The following PPP2R2B variants were observed in gnomAD, a reference collection of about 807,000 sequenced individuals.
The protein encoded by PPP2R2B is serine/threonine-protein phosphatase 2A 55 kDa regulatory subunit B beta isoform.
In PPP2R2B, 5 loss-of-function variants were observed where a neutral mutation model predicts 46.0. That is an observed-to-expected ratio of 0.11 (90% CI 0.06 to 0.23). PPP2R2B has a LOEUF of 0.23. PPP2R2B is among the 10% of genes least tolerant of loss of function. The pLI, the probability that PPP2R2B is intolerant of heterozygous loss-of-function variation, is 1.00. For synonymous variants in PPP2R2B, 215 were observed against 206.7 expected (o/e 1.04, Z -0.34); for missense variants, 367 against 575.0 (o/e 0.64, Z 3.70).
At chr5:147,074,130 G>A (rs929862534) in intron 2 of PPP2R2B, among the ~76,000 whole-genome samples, 2 of 152,120 alleles carry the variant, frequency 1.3e-5, no homozygotes, top group Admixed American at 6.5e-5. Context: ...TCTAGAGGTA[G>A]AATCTAGTAA....
chr5:146,669,521 G>A (rs1777208905), intron 5 of PPP2R2B, among the ~76,000 whole-genome samples: 1 of 151,646 alleles, frequency 6.6e-6, no homozygotes, highest in African/African-American at 2.4e-5. Flanking sequence ...ATTCTATATA[G>A]AGTTAATAAA....
intron 9 of PPP2R2B, among the ~76,000 whole-genome samples, chr5:146,591,452 G>A (rs1770646121): frequency 6.6e-6 from 1 of 152,114 alleles, no homozygotes; most frequent in South Asian, 2.1e-4. Flanking sequence ...TTGCCTCCAT[G>A]ATCTCGTTTC....
At chr5:146,616,600 C>T (rs1773191576) in intron 7 of PPP2R2B, among the ~76,000 whole-genome samples, 1 of 152,086 alleles carries the variant, frequency 6.6e-6, no homozygotes, top group Non-Finnish European at 1.5e-5. Flanking sequence ...AGAAGACATA[C>T]ACATGGCAGA....
intron 1 of PPP2R2B, among the ~76,000 whole-genome samples, chr5:146,944,511 C>A (rs1764419448): frequency 6.6e-6 from 1 of 151,992 alleles, no homozygotes; most frequent in African/African-American, 2.4e-5. Context: ...AGTGGTTGAC[C>A]TGTACCAGAT....
At chr5:146,944,285 G>T (rs904064383) in intron 1 of PPP2R2B, among the ~76,000 whole-genome samples, 1 of 152,054 alleles carries the variant, frequency 6.6e-6, no homozygotes, top group Non-Finnish European at 1.5e-5. Context: ...ATGGGAGTGG[G>T]GTGGGAAACT....
intron 1 of PPP2R2B, among the ~76,000 whole-genome samples, chr5:146,901,497 C>A (rs1424254004): frequency 6.6e-6 from 1 of 151,912 alleles, no homozygotes; most frequent in East Asian, 1.9e-4. Flanking sequence ...TGAGACCCTG[C>A]CTCAAACAAA....
intron 1 of PPP2R2B, among the ~76,000 whole-genome samples, chr5:146,923,741 A>C (rs918916310): frequency 6.6e-6 from 1 of 152,230 alleles, no homozygotes; most frequent in Non-Finnish European, 1.5e-5. Context: ...AAGAATATAC[A>C]TCATTCTATC....
At chr5:147,020,647 G>C (rs1196954413) in intron 1 of PPP2R2B, among the ~76,000 whole-genome samples, 1 of 152,086 alleles carries the variant, frequency 6.6e-6, no homozygotes, top group Non-Finnish European at 1.5e-5. Context: ...TCTGCTTATA[G>C]GGTTTTGATA....
At chr5:146,884,089 G>GT (rs372611320) in intron 1 of PPP2R2B, among the ~76,000 whole-genome samples, 4,771 of 104,432 alleles carry the variant, frequency 0.046, 39 homozygotes, top group Non-Finnish European at 0.051. Flanking sequence ...TAAATTCAGG[G>GT]TTTTTTTTTT....
chr5:146,780,322 T>C (rs112378337), intron 2 of PPP2R2B, among the ~76,000 whole-genome samples: 45 of 152,204 alleles, frequency 3.0e-4, no homozygotes, highest in Non-Finnish European at 5.1e-4. Context: ...GGGCAATGTT[T>C]ATATGGTCAG....
In PPP2R2B at chr5:146,878,192, G is replaced by A; in HGVS notation, c.-121C>T. ...AGCCAGTGGGACTGCACCATGGTCC[G>A]AGCCTGAGGAGGAGACGGGGAGGCG... On this transcript the variant is annotated 5_prime_UTR_variant, in exon 2 of 10. Coordinates refer to ENST00000394411, the MANE Select transcript of PPP2R2B (RefSeq NM_181675.4). This position sits in a 1 kb window ranked among gnomAD's most constrained non-coding sequence, Gnocchi z 4.5. 6.3e-7 allele frequency: 1 copy of A among 1,584,316 alleles called. No homozygotes were observed. Among genetic ancestry groups the A allele is most frequent in the Non-Finnish European group, 8.6e-7 (1 of 1,164,746 alleles).
intron 1 of PPP2R2B, among the ~76,000 whole-genome samples, chr5:146,948,353 G>A (rs1011306853): frequency 1.3e-5 from 2 of 152,010 alleles, no homozygotes; most frequent in Non-Finnish European, 2.9e-5. Flanking sequence ...GAGGGATAAT[G>A]TTAATACCTA....
upstream of PPP2R2B, among the ~76,000 whole-genome samples, chr5:146,880,735 G>A (rs1361712852): frequency 1.3e-5 from 2 of 152,106 alleles, no homozygotes; most frequent in East Asian, 3.9e-4. Flanking sequence ...TAACCAATGG[G>A]GAGAATGTCC....
intron 5 of PPP2R2B, among the ~76,000 whole-genome samples, chr5:146,675,239 T>C (rs1484689037): frequency 6.6e-6 from 1 of 152,142 alleles, no homozygotes; most frequent in Non-Finnish European, 1.5e-5. Context: ...TGATTACAGG[T>C]GTGAGCCACT....
chr5:146,645,605 C>T (rs565326571), intron 6 of PPP2R2B, among the ~76,000 whole-genome samples: 28 of 152,158 alleles, frequency 1.8e-4, no homozygotes, highest in Non-Finnish European at 2.6e-4. Flanking sequence ...AGTGCTAGAA[C>T]CTGGAAGCCA....
chr5:146,831,498 C>CAAAAAAAA, intron 2 of PPP2R2B, among the ~76,000 whole-genome samples: 1 of 54,940 alleles, frequency 1.8e-5, no homozygotes, highest in South Asian at 1.1e-3. Flanking sequence ...CTCCATCTCT[C>CAAAAAAAA]AAAAAAAAAA....
chr5:147,018,047 A>G (rs1385613867), intron 1 of PPP2R2B, among the ~76,000 whole-genome samples: 164 of 29,488 alleles, frequency 5.6e-3, no homozygotes, highest in Middle Eastern at 0.028. Context: ...GCGCGCGCAC[A>G]CACACACACA....
chr5:147,024,092 A>G (rs1271791564), intron 1 of PPP2R2B, among the ~76,000 whole-genome samples: 6 of 152,174 alleles, frequency 3.9e-5, no homozygotes, highest in Non-Finnish European at 7.3e-5. Context: ...TGCAGATAGC[A>G]TATCATGGGA....
intron 9 of PPP2R2B, 41 bp from the exon 10 acceptor site, chr5:146,590,267 T>C (rs774270243): frequency 6.8e-7 from 1 of 1,479,416 alleles, no homozygotes; most frequent in African/African-American, 2.5e-5. Context: ...ATCTTCACTG[T>C]CTTTTCTTTT....
Sources: gnomAD v4.1 joint callset for allele counts (sites outside exome capture counted in the v4.1 genomes callset) on GRCh38, gnomAD v4.1.1 for gene constraint, Gnocchi (gnomAD v3.1) non-coding constraint, MANE v1.5 for transcripts, NCBI Gene and HGNC (gene_info 2026-07-23, HGNC 2026-07-21) for gene names.